The following FAM227B variants were observed in gnomAD, a reference collection of about 807,000 sequenced individuals.
The protein encoded by FAM227B is family with sequence similarity 227 member B.
In FAM227B, 88 loss-of-function variants were observed where a neutral mutation model predicts 73.8. The ratio of observed to expected loss-of-function variants is 1.19; its 90% CI spans 1.00 to 1.42. The LOEUF (loss-of-function observed/expected upper bound fraction) is 1.42, where lower values mean the gene tolerates loss of function less well. FAM227B is among the 40% of genes most tolerant of loss of function. The pLI is 0.00. For missense variants in FAM227B, 632 were observed against 590.9 expected (o/e 1.07, Z -0.72); for synonymous variants, 210 against 190.5 (o/e 1.10, Z -0.84).
intron 11 of FAM227B, among the ~76,000 whole-genome samples, chr15:49,398,158 C>A (rs1043734349): frequency 1.4e-4 from 22 of 151,998 alleles, no homozygotes; most frequent in African/African-American, 5.1e-4. Context: ...GGAAGATCTA[C>A]CAAGCCAATG....
chr15:49,386,040 A>G (rs1421574853), intron 11 of FAM227B, among the ~76,000 whole-genome samples: 2 of 151,860 alleles, frequency 1.3e-5, no homozygotes, highest in Non-Finnish European at 2.9e-5. Context: ...TTGACAGCAA[A>G]ACAATAATAG....
chr15:49,593,983 T>A (rs1038765729), intron 3 of FAM227B, among the ~76,000 whole-genome samples: 10 of 152,222 alleles, frequency 6.6e-5, no homozygotes, highest in Admixed American at 5.9e-4. Flanking sequence ...AGATCTACTT[T>A]TAGTTCTTCA....
At chr15:49,500,899 G>GC (rs1157478424) in intron 11 of FAM227B, among the ~76,000 whole-genome samples, 1 of 152,028 alleles carries the variant, frequency 6.6e-6, no homozygotes, top group African/African-American at 2.4e-5. Flanking sequence ...TGGCACCTCT[G>GC]CCCCCCTCTT....
At chr15:49,539,062 C>A (rs1425646315) in intron 10 of FAM227B, among the ~76,000 whole-genome samples, 1 of 152,102 alleles carries the variant, frequency 6.6e-6, no homozygotes, top group African/African-American at 2.4e-5. Context: ...GTCACCTCTT[C>A]CAGAATTTAC....
chr15:49,570,597 C>A (rs184573740), intron 8 of FAM227B, among the ~76,000 whole-genome samples: 1 of 151,656 alleles, frequency 6.6e-6, no homozygotes, highest in African/African-American at 2.4e-5. Context: ...TGAAACTTTG[C>A]ACCTTTTGAT....
intron 4 of FAM227B, among the ~76,000 whole-genome samples, chr15:49,588,582 T>C (rs1358093243): frequency 8.4e-6 from 1 of 118,958 alleles, no homozygotes; most frequent in Non-Finnish European, 1.7e-5. Context: ...TATATATATA[T>C]ATATATATAT....
intron 11 of FAM227B, among the ~76,000 whole-genome samples, chr15:49,417,322 G>C (rs919207307): frequency 6.6e-6 from 1 of 152,072 alleles, no homozygotes; most frequent in Non-Finnish European, 1.5e-5. Flanking sequence ...AGAAACTTGA[G>C]GCTGCAGTAA....
intron 4 of FAM227B, among the ~76,000 whole-genome samples, chr15:49,589,286 T>C (rs1298615924): frequency 3.3e-5 from 5 of 152,072 alleles, no homozygotes; most frequent in East Asian, 1.9e-4. Flanking sequence ...CTTACTGATA[T>C]GTTTGTTTCT....
At chr15:49,519,707 C>G (rs956226005) in intron 10 of FAM227B, among the ~76,000 whole-genome samples, 1 of 152,160 alleles carries the variant, frequency 6.6e-6, no homozygotes, top group African/African-American at 2.4e-5. Flanking sequence ...CACAAAACCA[C>G]TTTTTCTTCC....
intron 8 of FAM227B, among the ~76,000 whole-genome samples, chr15:49,573,128 C>G (rs1428034281): frequency 6.6e-6 from 1 of 151,934 alleles, no homozygotes; most frequent in African/African-American, 2.4e-5. Flanking sequence ...ACATTTTAAT[C>G]TGTTTTCATT....
At chr15:49,376,307 T>A (rs1175375923) in intron 11 of FAM227B, among the ~76,000 whole-genome samples, 1 of 152,078 alleles carries the variant, frequency 6.6e-6, no homozygotes, top group South Asian at 2.1e-4. Context: ...GTATATTGTG[T>A]GAGGTACAAG....
At chr15:49,547,531 AC>A (rs2072111386) in intron 9 of FAM227B, among the ~76,000 whole-genome samples, 1 of 152,186 alleles carries the variant, frequency 6.6e-6, no homozygotes, top group Non-Finnish European at 1.5e-5. Context: ...TATTCAGGAA[AC>A]CCATCTCAAG....
chr15:49,613,442 G>GGA (rs1349065225), intron 2 of FAM227B, among the ~76,000 whole-genome samples: 1 of 151,998 alleles, frequency 6.6e-6, no homozygotes, highest in Admixed American at 6.6e-5. Flanking sequence ...CGGAGGTTGC[G>GGA]GTGAGCCAAG....
At chr15:49,516,321 T>G (rs187740266) in intron 10 of FAM227B, among the ~76,000 whole-genome samples, 36 of 152,236 alleles carry the variant, frequency 2.4e-4, no homozygotes, top group South Asian at 8.3e-4. Context: ...CACTAACCTA[T>G]GCTCAGCTTT....
chr15:49,600,768 C>A (rs141748870), intron 3 of FAM227B, among the ~76,000 whole-genome samples: 1 of 151,832 alleles, frequency 6.6e-6, no homozygotes, highest in Admixed American at 6.6e-5. Flanking sequence ...CCAGGCCGGG[C>A]GTGGTGGCTC....
At chr15:49,577,019 G>A (rs1052640485) in intron 6 of FAM227B, among the ~76,000 whole-genome samples, 174 bp from the exon 7 acceptor site, 3 of 152,104 alleles carry the variant, frequency 2.0e-5, no homozygotes, top group African/African-American at 4.8e-5. Flanking sequence ...ACCTTTGGCC[G>A]TGCACGGTGG....
intron 13 of FAM227B, chr15:49,366,110 A>C: frequency 3.2e-6 from 3 of 947,966 alleles, no homozygotes; most frequent in South Asian, 1.3e-5. Context: ...CAATTCAACT[A>C]GTCCACTCCA....
chr15:49,489,867 TATATATATATATATATAGAGAGAG>T (rs2056878198), intron 11 of FAM227B, among the ~76,000 whole-genome samples: 5 of 13,924 alleles, frequency 3.6e-4, no homozygotes, highest in Admixed American at 1.6e-3. Context: ...ATTTTATATA[TATATATATATATATATAGAGAGAG>T]AGAGAGAGAG....
chr15:49,512,407 C>T (rs941681609), intron 10 of FAM227B, among the ~76,000 whole-genome samples: 12 of 151,658 alleles, frequency 7.9e-5, no homozygotes, highest in Non-Finnish European at 1.3e-4. Flanking sequence ...TTTTTTTGCT[C>T]GCTTCTTCTA....
Sources: gnomAD v4.1 joint callset for allele counts (sites outside exome capture counted in the v4.1 genomes callset) on GRCh38, gnomAD v4.1.1 for gene constraint, MANE v1.5 for transcripts, NCBI Gene and HGNC (gene_info 2026-07-23, HGNC 2026-07-21) for gene names.